The following CAST variants were observed in gnomAD, a reference collection of about 807,000 sequenced individuals.
CAST encodes the protein MIR583 host.
In CAST, 76 loss-of-function variants were observed where a neutral mutation model predicts 119.6. That is an observed-to-expected ratio of 0.64 (90% CI 0.53 to 0.77). The LOEUF is 0.77. Ranked by LOEUF, CAST falls within the 30% of genes least tolerant of loss-of-function variation. The pLI, the probability that CAST is intolerant of heterozygous loss-of-function variation, is 0.00. For synonymous variants in CAST, 319 were observed against 331.6 expected, an observed-to-expected ratio of 0.96 and a Z score of 0.41; for missense variants, 953 against 946.5, an observed-to-expected ratio of 1.01 and a Z score of -0.09.
the CAST span, among the ~76,000 whole-genome samples, chr5:96,504,314 A>G: frequency 6.6e-6 from 1 of 152,130 alleles, no homozygotes; most frequent in Non-Finnish European, 1.5e-5. Context: ...CATTTCCCAT[A>G]CACGATGGCA....
the CAST span, among the ~76,000 whole-genome samples, chr5:96,138,422 GTTC>G: frequency 4.0e-5 from 6 of 151,804 alleles, no homozygotes; most frequent in East Asian, 5.8e-4. Flanking sequence ...CTCCAACACT[GTTC>G]TTCTTCTTTA....
chr5:96,261,259 A>G, the CAST span, among the ~76,000 whole-genome samples: 8 of 152,238 alleles, frequency 5.3e-5, no homozygotes, highest in African/African-American at 1.9e-4. Flanking sequence ...TGCCATGGGC[A>G]GGTCTATGTA....
At chr5:96,217,081 C>A in the CAST span, among the ~76,000 whole-genome samples, 1 of 151,822 alleles carries the variant, frequency 6.6e-6, no homozygotes, top group African/African-American at 2.4e-5. Context: ...CTCAGTTGCC[C>A]AAGGTGGAGT....
chr5:96,046,240 A>G, the CAST span, among the ~76,000 whole-genome samples: 3 of 152,284 alleles, frequency 2.0e-5, no homozygotes, highest in Admixed American at 1.3e-4. Context: ...ACACACATCC[A>G]ATAATATATA....
the CAST span, among the ~76,000 whole-genome samples, chr5:96,039,169 T>A: frequency 2.0e-5 from 3 of 152,220 alleles, no homozygotes; most frequent in Admixed American, 2.0e-4. Flanking sequence ...ATAAATGTCT[T>A]CTTTTGCGAA....
the CAST span, among the ~76,000 whole-genome samples, chr5:96,133,528 A>G: frequency 6.6e-6 from 1 of 152,184 alleles, no homozygotes; most frequent in Non-Finnish European, 1.5e-5. Flanking sequence ...TCCCATTCCA[A>G]TACTTTAAGT....
chr5:96,748,413 T>C, intron 18 of CAST, 105 bp from the exon 19 acceptor site: 2 of 499,486 alleles, frequency 4.0e-6, no homozygotes, highest in East Asian at 6.4e-5. Flanking sequence ...GTGTTAAGTA[T>C]GGCCTCATAT....
chr5:96,194,193 A>G, the CAST span, among the ~76,000 whole-genome samples: 1 of 152,324 alleles, frequency 6.6e-6, no homozygotes, highest in South Asian at 2.1e-4. Flanking sequence ...GATGATATTA[A>G]GTTATACATA....
chr5:96,291,274 G>C, the CAST span, among the ~76,000 whole-genome samples: 1 of 152,146 alleles, frequency 6.6e-6, no homozygotes, highest in Non-Finnish European at 1.5e-5. Flanking sequence ...GTGAGTTTTG[G>C]GATAATTTGT....
the CAST span, among the ~76,000 whole-genome samples, chr5:96,035,968 A>G: frequency 3.0e-4 from 45 of 152,184 alleles, no homozygotes; most frequent in Admixed American, 2.4e-3. Context: ...CTGCATTTGA[A>G]AATATTACTC....
At chr5:96,354,102 A>G in the CAST span, among the ~76,000 whole-genome samples, 1 of 152,126 alleles carries the variant, frequency 6.6e-6, no homozygotes, top group South Asian at 2.1e-4. Flanking sequence ...TTTACTTTAA[A>G]TACATATCAA....
chr5:96,306,763 G>A, the CAST span, among the ~76,000 whole-genome samples: 1 of 152,168 alleles, frequency 6.6e-6, no homozygotes, highest in Non-Finnish European at 1.5e-5. Context: ...GTGGTTTTGA[G>A]TGAGTTTCTG....
chr5:96,084,360 G>T, the CAST span, among the ~76,000 whole-genome samples: 1 of 152,120 alleles, frequency 6.6e-6, no homozygotes, highest in South Asian at 2.1e-4. Flanking sequence ...TTAGGAAAAG[G>T]ATGAATATTC....
the CAST span, among the ~76,000 whole-genome samples, chr5:96,070,398 T>C: frequency 1.3e-5 from 2 of 152,222 alleles, no homozygotes; most frequent in Admixed American, 1.3e-4. Flanking sequence ...TGATTTTATG[T>C]ATTAATTTGG....
chr5:96,415,877 C>T, the CAST span, among the ~76,000 whole-genome samples: 1 of 152,016 alleles, frequency 6.6e-6, no homozygotes, highest in African/African-American at 2.4e-5. Flanking sequence ...TCTATTGACT[C>T]GCTGGCAAAT....
chr5:96,427,097 CT>C, the CAST span, among the ~76,000 whole-genome samples: 2 of 152,174 alleles, frequency 1.3e-5, no homozygotes, highest in African/African-American at 4.8e-5. Flanking sequence ...GTCACTTACA[CT>C]TGGAGATTTT....
the CAST span, among the ~76,000 whole-genome samples, chr5:96,464,617 T>A: frequency 6.6e-6 from 1 of 152,078 alleles, no homozygotes; most frequent in East Asian, 1.9e-4. Flanking sequence ...TACCCACAAA[T>A]CAATCTTGGT....
At chr5:96,395,241 T>C in the CAST span, among the ~76,000 whole-genome samples, 3 of 152,228 alleles carry the variant, frequency 2.0e-5, no homozygotes, top group Non-Finnish European at 4.4e-5. Context: ...AAACATTTAA[T>C]TTAAAAATCA....
intron 3 of CAST, among the ~76,000 whole-genome samples, chr5:96,700,923 C>T (rs555065300): frequency 2.0e-5 from 3 of 151,628 alleles, no homozygotes; most frequent in Admixed American, 6.6e-5. Flanking sequence ...AAGAATCTTG[C>T]GAAAAAAATT....
Sources: allele counts gnomAD v4.1 joint callset (sites outside exome capture counted in the v4.1 genomes callset), GRCh38; gene constraint gnomAD v4.1.1; transcripts MANE v1.5; gene names NCBI Gene and HGNC (gene_info 2026-07-23, HGNC 2026-07-21).